The following WDR43 variants were observed in gnomAD, a reference collection of about 807,000 sequenced individuals.
The protein encoded by WDR43 is WD repeat-containing protein 43.
Under a neutral mutation model 91.4 loss-of-function variants are expected in WDR43, and 13 were observed. The observed-to-expected ratio is 0.14, with a 90% confidence interval of 0.09 to 0.23. The LOEUF is 0.23. Ranked by LOEUF, WDR43 falls within the 10% of genes least tolerant of loss-of-function variation. The pLI is 1.00. For missense variants in WDR43, 780 were observed against 809.4 expected, an observed-to-expected ratio of 0.96 and a Z score of 0.44; for synonymous variants, 331 against 287.9, an observed-to-expected ratio of 1.15 and a Z score of -1.51.
intron 6 of WDR43, among the ~76,000 whole-genome samples, chr2:28,919,655 C>CA (rs879362160): frequency 0.032 from 4,275 of 132,012 alleles, 218 homozygotes; most frequent in African/African-American, 0.11. Flanking sequence ...GACTCCGTCT[C>CA]AAAAAAAAAA....
At chr2:28,918,137 C>A in intron 6 of WDR43, 142 bp downstream of exon 6, 1 of 694,412 alleles carries the variant, frequency 1.4e-6, no homozygotes, top group Non-Finnish European at 2.4e-6. Flanking sequence ...TTAGACTGTT[C>A]AAAGGAACTT....
chr2:28,934,905 G>C (rs1307357652), intron 11 of WDR43, among the ~76,000 whole-genome samples: 1 of 152,132 alleles, frequency 6.6e-6, no homozygotes, highest in African/African-American at 2.4e-5. Context: ...CTTCTGTAAA[G>C]CATGTGGGGC....
chr2:28,915,630 G>C (rs972017420), intron 5 of WDR43, among the ~76,000 whole-genome samples: 3 of 152,210 alleles, frequency 2.0e-5, no homozygotes, highest in Non-Finnish European at 4.4e-5. Flanking sequence ...TTGAAAAGCT[G>C]CCCAATGAGC....
chr2:28,925,855 G>C (rs1343113713), intron 8 of WDR43, among the ~76,000 whole-genome samples: 2 of 152,106 alleles, frequency 1.3e-5, no homozygotes, highest in Non-Finnish European at 2.9e-5. Flanking sequence ...TGCCATATGT[G>C]AATTCCATCC....
At chr2:28,895,638 G>A (rs1670465855) in intron 1 of WDR43, among the ~76,000 whole-genome samples, 1 of 151,942 alleles carries the variant, frequency 6.6e-6, no homozygotes, top group Admixed American at 6.6e-5. Context: ...GTAGTAGCTT[G>A]ATTTAGTGAA....
Position 28,894,798 on chromosome 2 carries a change from A to T in WDR43, c.100A>T (p.Thr34Ser), listed in dbSNP as rs776014005. The T allele has an allele frequency of 1.2e-6, 2 of 1,610,296 alleles. No homozygotes were observed. The highest frequency in any genetic ancestry group is 1.7e-6 in the Non-Finnish European group (2 of 1,178,442). ...HSQAYFALAS[T>S]DGHLRVWETA... is the part of the protein sequence containing the mutation. ...CCAGGCCTACTTCGCTTTGGCCTCT[A>T]CCGACGGTCACTTACGAGTATGGGA... The change falls in exon 1 of 18, where the codon ACC becomes TCC. Residue 34 changes from threonine (T) to serine (S), a missense_variant. By Grantham distance (58) the Thr-to-Ser change is moderately conservative (BLOSUM62 1). Around this residue, in one of 4 missense-constraint regions of WDR43, gnomAD observed 175 missense variants for 113.8 expected, o/e 1.54. Transcript: ENST00000407426.
At chr2:28,926,371 T>A in intron 8 of WDR43, 97 bp from the exon 9 acceptor site, 1 of 877,066 alleles carries the variant, frequency 1.1e-6, no homozygotes. Context: ...AAGTAGTCAT[T>A]TATTTTTCAT....
chr2:28,940,111 C>CAAAA lies in WDR43; in HGVS notation c.1621-1335_1621-1332dup, dbSNP rs369746530. ...TGGGCGACAGAGCGAGACTCCGTCTCAAAAAAAAAAAAAAAAAAGAATGGA... is the reference window on the plus strand; with the variant it reads ...TGGGCGACAGAGCGAGACTCCGTCTCAAAAAAAAAAAAAAAAAAAAAAGAATGGA... On this transcript the variant is annotated intron_variant, in intron 14 of 17. Coordinates refer to ENST00000407426, the MANE Select transcript of WDR43 (RefSeq NM_015131.3). Among the ~76,000 whole-genome samples the CAAAA allele has an allele frequency of 3.5e-3, 360 of 103,232 alleles. 5 individuals are homozygous for CAAAA. Among genetic ancestry groups the CAAAA allele is most frequent in the East Asian group, 0.013 (38 of 3,022 alleles). 67.7% of individuals were successfully genotyped at this position (103,232 alleles called of 152,430 possible).
rs1203437902 is a variant in WDR43 at position 28,941,541 on chromosome 2, C to T, written c.1701C>T (p.His567=). 2 of 1,612,858 alleles carry T rather than the reference C, an allele frequency of 1.2e-6. No homozygotes were observed. The highest frequency in any genetic ancestry group is 8.5e-7 in the Non-Finnish European group (1 of 1,179,396). ...TCAAAACTTTTCAGAAACTTTCACACCTTCATGGAAAGCTTATTCTTCTAA... is the reference window on the plus strand; with the variant it reads ...TCAAAACTTTTCAGAAACTTTCACATCTTCATGGAAAGCTTATTCTTCTAA... The part of the protein sequence containing the change: ...SRVKTFQKLS[H]LHGKLILLIT... Residue 567 remains histidine (H), a synonymous_variant, in exon 15 of 18, where the codon CAC becomes CAT. Transcript: ENST00000407426.
At chr2:28,913,820 G>A (rs1037392240) in intron 4 of WDR43, 42 of 672,110 alleles carry the variant, frequency 6.2e-5, no homozygotes, top group African/African-American at 4.9e-4. Context: ...ACAAAGGTGC[G>A]GAGTGGTAGG....
At position 28,894,831 on chromosome 2, in the gene WDR43, A is replaced by G; in HGVS notation, c.133A>G (p.Asn45Asp). Residue 45 changes from asparagine (N) to aspartate (D), a missense_variant, in exon 1 of 18, where the codon AAC becomes GAC. Transcript: ENST00000407426. Reference sequence around the variant, plus strand: ...TCACTTACGAGTATGGGAGACGGCCAACAACCGGCTGCACCAGGAGTACGT... The same window carrying G: ...TCACTTACGAGTATGGGAGACGGCCGACAACCGGCTGCACCAGGAGTACGT... ...DGHLRVWETANNRLHQEYVPS... is the reference protein window; with the variant it reads ...DGHLRVWETADNRLHQEYVPS... The G allele has an allele frequency of 1.2e-6, 2 of 1,611,392 alleles. No homozygotes were observed. Among genetic ancestry groups the G allele is most frequent in the Non-Finnish European group, 1.7e-6 (2 of 1,178,894 alleles).
At chr2:28,895,523 G>A (rs1047638145) in intron 1 of WDR43, among the ~76,000 whole-genome samples, 2 of 151,980 alleles carry the variant, frequency 1.3e-5, no homozygotes, top group African/African-American at 4.8e-5. Flanking sequence ...ACTGCTTTTT[G>A]ATTTTAACAT....
chr2:28,908,657 C>G (rs1424302581), intron 3 of WDR43, among the ~76,000 whole-genome samples: 2 of 152,192 alleles, frequency 1.3e-5, no homozygotes, highest in African/African-American at 2.4e-5. Flanking sequence ...AGAGCCTGAC[C>G]TCTCATACAC....
intron 7 of WDR43, 137 bp downstream of exon 7, chr2:28,923,120 T>C: frequency 2.8e-6 from 2 of 725,890 alleles, no homozygotes; most frequent in Non-Finnish European, 4.4e-6. Context: ...TTTATCCACA[T>C]GACTATATAC....
intron 11 of WDR43, chr2:28,930,107 C>T: frequency 2.1e-6 from 1 of 471,302 alleles, no homozygotes; most frequent in Non-Finnish European, 4.4e-6. Context: ...CTTATTTCCC[C>T]CTGGCCGTGA....
chr2:28,905,273 G>T (rs574819684), intron 2 of WDR43, among the ~76,000 whole-genome samples: 2 of 152,182 alleles, frequency 1.3e-5, no homozygotes, highest in Non-Finnish European at 2.9e-5. Flanking sequence ...TGCAGTGTGG[G>T]TGATTTAGCA....
At chr2:28,925,196 G>A (rs2148191130) in intron 8 of WDR43, 43 bp downstream of exon 8, 2 of 1,528,506 alleles carry the variant, frequency 1.3e-6, no homozygotes, top group South Asian at 1.3e-5. Context: ...TAGCATCCCT[G>A]TGTCCATGGA....
intron 1 of WDR43, among the ~76,000 whole-genome samples, chr2:28,899,667 A>G (rs1670544147): frequency 6.6e-6 from 1 of 152,228 alleles, no homozygotes; most frequent in Non-Finnish European, 1.5e-5. Context: ...GAAGTTTCTC[A>G]TCTATAATCA....
chr2:28,935,342 A>G (rs2148196577), intron 11 of WDR43, among the ~76,000 whole-genome samples, 179 bp from the exon 12 acceptor site: 1 of 152,118 alleles, frequency 6.6e-6, no homozygotes, highest in East Asian at 1.9e-4. Flanking sequence ...TAAGCACAAG[A>G]CGTAATATAA....
Sources: gnomAD v4.1 joint callset for allele counts (sites outside exome capture counted in the v4.1 genomes callset) on GRCh38, gnomAD v4.1.1 for gene constraint, gnomAD v4.1.1 regional missense constraint, MANE v1.5 for transcripts, NCBI Gene and HGNC (gene_info 2026-07-23, HGNC 2026-07-21) for gene names.